The following FLI1 variants were observed in gnomAD, a reference collection of about 807,000 sequenced individuals.
FLI1 encodes the protein Fli-1 proto-oncogene, ETS transcription factor, also known as Friend leukemia integration 1 transcription factor.
In FLI1, 13 loss-of-function variants were observed where a neutral mutation model predicts 53.1. The observed-to-expected ratio is 0.24, with a 90% CI of 0.16 to 0.39. FLI1 has a LOEUF of 0.39. Ranked by LOEUF, FLI1 falls within the 10% of genes least tolerant of loss-of-function variation. The pLI, the probability that FLI1 is intolerant of heterozygous loss-of-function variation, is 1.00. For synonymous variants in FLI1, 244 were observed against 236.7 expected, an observed-to-expected ratio of 1.03 and a Z score of -0.28; for missense variants, 424 against 600.5, an observed-to-expected ratio of 0.71 and a Z score of 3.07.
chr11:128,731,072 T>A (rs1939677028), intron 1 of FLI1, among the ~76,000 whole-genome samples: 1 of 152,240 alleles, frequency 6.6e-6, no homozygotes, highest in Non-Finnish European at 1.5e-5. Context: ...TTCATAATAA[T>A]CTGTGCAAAA....
At chr11:128,686,575 C>T (rs1378397224) in exon 1 of FLI1, 1 of 428,550 alleles carries the variant, frequency 2.3e-6, no homozygotes, top group Non-Finnish European at 4.8e-6. Flanking sequence ...CACCATCCCA[C>T]CGTCTCTCCC....
chr11:128,798,109 A>G (rs561320657), intron 5 of FLI1, among the ~76,000 whole-genome samples: 1 of 152,290 alleles, frequency 6.6e-6, no homozygotes, highest in African/African-American at 2.4e-5. Flanking sequence ...CTGATTACCT[A>G]AGTGAACTGT....
chr11:128,792,747 A>G (rs574350053), intron 5 of FLI1, among the ~76,000 whole-genome samples: 1 of 152,214 alleles, frequency 6.6e-6, no homozygotes, highest in Non-Finnish European at 1.5e-5. Context: ...TTAAGAGGAT[A>G]AAGGAAAACA....
chr11:128,753,824 C>T (rs1306216984), intron 1 of FLI1, among the ~76,000 whole-genome samples: 1 of 152,188 alleles, frequency 6.6e-6, no homozygotes, highest in African/African-American at 2.4e-5. Flanking sequence ...CTGGTCTTCC[C>T]AGAGCAATTT....
At chr11:128,766,742 C>T (rs559127865) in intron 2 of FLI1, among the ~76,000 whole-genome samples, 78 of 151,892 alleles carry the variant, frequency 5.1e-4, no homozygotes, top group Middle Eastern at 3.4e-3. Flanking sequence ...CGCTGTGGTC[C>T]GTTCCTGCGC....
At chr11:128,733,950 A>G (rs915456921) in intron 1 of FLI1, among the ~76,000 whole-genome samples, 3 of 152,190 alleles carry the variant, frequency 2.0e-5, no homozygotes, top group Admixed American at 2.0e-4. Context: ...CACAGTGAGG[A>G]GAGGAGCGAC....
intron 4 of FLI1, 46 bp downstream of exon 4, chr11:128,773,031 G>A (rs371652857): frequency 6.4e-6 from 10 of 1,567,000 alleles, no homozygotes; most frequent in Non-Finnish European, 7.9e-6. Flanking sequence ...GCTTGGCATG[G>A]AGCCAACCCA....
upstream of FLI1, among the ~76,000 whole-genome samples, chr11:128,688,930 G>A (rs1937635238): frequency 1.3e-5 from 2 of 152,180 alleles, no homozygotes; most frequent in Non-Finnish European, 2.9e-5. Context: ...CCATTCTGCA[G>A]GCGAGAAACT....
chr11:128,750,279 A>T (rs550390749), intron 1 of FLI1, among the ~76,000 whole-genome samples: 2 of 152,318 alleles, frequency 1.3e-5, no homozygotes, highest in South Asian at 4.1e-4. Context: ...GGTCAGCCCC[A>T]GACAACTGTC....
chr11:128,697,865 G>A (rs1324136704), intron 1 of FLI1, among the ~76,000 whole-genome samples: 1 of 152,226 alleles, frequency 6.6e-6, no homozygotes, highest in African/African-American at 2.4e-5. Flanking sequence ...CGCTAGTGGA[G>A]GGAGCTGACA....
upstream of FLI1, chr11:128,693,313 A>C (rs964047743): frequency 6.6e-6 from 1 of 152,302 alleles, no homozygotes; most frequent in Non-Finnish European, 1.5e-5. Flanking sequence ...AGCGCGGGTC[A>C]GCCCGAAACC....
At chr11:128,788,106 G>T (rs1183785722) in intron 5 of FLI1, among the ~76,000 whole-genome samples, 1 of 151,984 alleles carries the variant, frequency 6.6e-6, no homozygotes, top group African/African-American at 2.4e-5. Flanking sequence ...ATTTTTGAGG[G>T]TTTACCAGAT....
At chr11:128,742,541 T>C (rs1324490716) in intron 1 of FLI1, among the ~76,000 whole-genome samples, 1 of 152,208 alleles carries the variant, frequency 6.6e-6, no homozygotes. Context: ...ACTCATAACA[T>C]GTGGCTTTTT....
At chr11:128,778,734 C>T (rs73573764) in intron 4 of FLI1, among the ~76,000 whole-genome samples, 11,202 of 152,226 alleles carry the variant, frequency 0.074, 1,396 homozygotes, top group African/African-American at 0.25. Context: ...GATGTGCTGG[C>T]ATCGGGAAGG....
chr11:128,784,235 C>T, intron 5 of FLI1, among the ~76,000 whole-genome samples: 1 of 65,874 alleles, frequency 1.5e-5, no homozygotes, highest in East Asian at 7.0e-4. Context: ...TCCTCCTCCT[C>T]CTCCTCCTCC....
Position 128,811,055 on chromosome 11 carries a change from A to G in FLI1, c.*67A>G. ...CACACTTACTGGATGCTTTGGACTC[A>G]ACAGGACATATGTGGCCTTGAAGGG... On this transcript the variant is annotated 3_prime_UTR_variant, in exon 9 of 9. Coordinates refer to ENST00000527786, the MANE Select transcript of FLI1 (RefSeq NM_002017.5). 2 of 1,465,598 alleles carry G rather than the reference A, an allele frequency of 1.4e-6. No homozygotes were observed. Among genetic ancestry groups the G allele is most frequent in the Admixed American group, 1.7e-5 (1 of 58,480 alleles). 90.8% of individuals were successfully genotyped at this position (1,465,598 alleles called of 1,614,324 possible). A position where few individuals can be genotyped will look rare whatever the true frequency, so the allele number is the denominator to read the frequency against.
Position 128,748,698 on chromosome 11 carries a change from G to A in FLI1, c.19-9417G>A, listed in dbSNP as rs113973893. On this transcript the variant is annotated intron_variant, in intron 1 of 8. Coordinates refer to ENST00000527786, the MANE Select transcript of FLI1 (RefSeq NM_002017.5). ...CACTCTGAAGCTCTGTGGCAGATTTGGCTGTGTGCTACGGCCTAAAATTGG... is the reference window on the plus strand; with the variant it reads ...CACTCTGAAGCTCTGTGGCAGATTTAGCTGTGTGCTACGGCCTAAAATTGG... Among the ~76,000 whole-genome samples, 1,431 of 152,220 alleles carry A rather than the reference G, an allele frequency of 9.4e-3. 28 individuals are homozygous for A. Among genetic ancestry groups the A allele is most frequent in the African/African-American group, 0.032 (1,321 of 41,546 alleles).
In FLI1 at chr11:128,735,937, A is replaced by C. The variant is rs566489437; in HGVS notation, c.19-22178A>C. Among the ~76,000 whole-genome samples the C allele has an allele frequency of 7.0e-4, 106 of 152,344 alleles. 1 individual carries two copies. Among genetic ancestry groups the C allele is most frequent in the African/African-American group, 2.4e-3 (101 of 41,568 alleles). ...ACAAATAGGACAAGACAATCGAAAC[A>C]CGTATCTAGAATTAGGACATGGTTG... On this transcript the variant is annotated intron_variant, in intron 1 of 8. Transcript: ENST00000527786.
At chr11:128,800,429 T>G (rs1651523470) in intron 5 of FLI1, among the ~76,000 whole-genome samples, 2 of 152,014 alleles carry the variant, frequency 1.3e-5, no homozygotes, top group Non-Finnish European at 2.9e-5. Context: ...GGTCACAAGG[T>G]GGAGCGCTGC....
Sources: gnomAD v4.1 joint callset for allele counts (sites outside exome capture counted in the v4.1 genomes callset) on GRCh38, gnomAD v4.1.1 for gene constraint, MANE v1.5 for transcripts, NCBI Gene and HGNC (gene_info 2026-07-23, HGNC 2026-07-21) for gene names.